The following XRCC4 variants were observed in gnomAD, a reference collection of about 807,000 sequenced individuals.
The protein encoded by XRCC4 is DNA repair protein XRCC4.
XRCC4 carries 28 observed loss-of-function variants against 39.1 expected under a neutral mutation model. The observed-to-expected ratio is 0.72, with a 90% CI of 0.53 to 0.98. XRCC4 has a LOEUF of 0.98. Ranked by LOEUF, XRCC4 falls within the 50% of genes least tolerant of loss-of-function variation. The pLI is 0.00. For missense variants in XRCC4, 350 were observed against 376.4 expected, an observed-to-expected ratio of 0.93 and a Z score of 0.58; for synonymous variants, 123 against 126.4, an observed-to-expected ratio of 0.97 and a Z score of 0.18.
At chr5:83,240,212 A>G (rs1580411784) in intron 6 of XRCC4, among the ~76,000 whole-genome samples, 1 of 152,126 alleles carries the variant, frequency 6.6e-6, no homozygotes, top group South Asian at 2.1e-4. Flanking sequence ...AATATAGGAC[A>G]TATTCAAGGA....
chr5:83,082,079 C>T (rs189428459), intron 1 of XRCC4, among the ~76,000 whole-genome samples: 6 of 152,084 alleles, frequency 3.9e-5, no homozygotes, highest in African/African-American at 1.4e-4. Flanking sequence ...TCTACTATTT[C>T]TGCTATTAGT....
intron 6 of XRCC4, 97 bp downstream of exon 6, chr5:83,205,018 C>T: frequency 2.5e-6 from 2 of 791,002 alleles, no homozygotes; most frequent in Non-Finnish European, 3.9e-6. Context: ...TTGTGAAAGA[C>T]CTTATTCTAT....
At chr5:83,303,339 G>A (rs931968611) in intron 7 of XRCC4, among the ~76,000 whole-genome samples, 13 of 152,032 alleles carry the variant, frequency 8.6e-5, no homozygotes, top group East Asian at 5.8e-4. Flanking sequence ...TTATTTATGC[G>A]CAGAGAAAAG....
chr5:83,243,797 G>A (rs921175182), intron 6 of XRCC4, among the ~76,000 whole-genome samples: 1 of 152,148 alleles, frequency 6.6e-6, no homozygotes, highest in Non-Finnish European at 1.5e-5. Context: ...AAAATTGGAA[G>A]CACATTTTAA....
chr5:83,327,206 T>C (rs73138300), intron 7 of XRCC4, among the ~76,000 whole-genome samples: 3,341 of 152,108 alleles, frequency 0.022, 104 homozygotes, highest in African/African-American at 0.071. Flanking sequence ...CAATCCTCTT[T>C]CCCCACACCC....
intron 6 of XRCC4, among the ~76,000 whole-genome samples, chr5:83,234,092 A>G (rs946989424): frequency 1.3e-5 from 2 of 152,106 alleles, no homozygotes; most frequent in African/African-American, 4.8e-5. Flanking sequence ...TTTAAGGAGA[A>G]AATTAGGTAA....
At chr5:83,098,863 C>A (rs1441291326) in intron 1 of XRCC4, among the ~76,000 whole-genome samples, 2 of 152,054 alleles carry the variant, frequency 1.3e-5, no homozygotes, top group Non-Finnish European at 2.9e-5. Flanking sequence ...TAATCCTTTT[C>A]TTTGCACTTA....
chr5:83,308,726 T>G (rs1399016894), intron 7 of XRCC4, among the ~76,000 whole-genome samples: 1 of 152,184 alleles, frequency 6.6e-6, no homozygotes, highest in Non-Finnish European at 1.5e-5. Flanking sequence ...TAGTTATATT[T>G]TTAAAATAAA....
intron 7 of XRCC4, among the ~76,000 whole-genome samples, chr5:83,271,210 C>T (rs1465146797): frequency 1.3e-5 from 2 of 152,006 alleles, no homozygotes; most frequent in Non-Finnish European, 2.9e-5. Flanking sequence ...TTATTGTAAT[C>T]CTGTCCTACA....
At chr5:83,204,667 G>A (rs931661216) in intron 5 of XRCC4, 148 bp from the exon 6 acceptor site, 4 of 497,248 alleles carry the variant, frequency 8.0e-6, no homozygotes, top group African/African-American at 7.7e-5. Context: ...GTTTTAAGAT[G>A]CTTTCATCTA....
chr5:83,253,160 T>C (rs1260585012), intron 6 of XRCC4, among the ~76,000 whole-genome samples: 2 of 152,108 alleles, frequency 1.3e-5, no homozygotes, highest in Non-Finnish European at 2.9e-5. Flanking sequence ...ACAGGGGAAG[T>C]ACAGAACAAA....
At chr5:83,229,639 C>CA (rs1471400876) in intron 6 of XRCC4, among the ~76,000 whole-genome samples, 1 of 146,338 alleles carries the variant, frequency 6.8e-6, no homozygotes, top group Non-Finnish European at 1.5e-5. Flanking sequence ...AACTTTATTC[C>CA]AGGAGACAAA....
At chr5:83,258,714 C>T (rs1753645482) in intron 7 of XRCC4, 37 bp downstream of exon 7, 1 of 1,591,344 alleles carries the variant, frequency 6.3e-7, no homozygotes, top group Non-Finnish European at 8.5e-7. Context: ...AGTGAGATGA[C>T]ATTTTTGAAA....
downstream of XRCC4, among the ~76,000 whole-genome samples, chr5:83,356,316 T>A (rs1757189405): frequency 6.6e-6 from 1 of 152,022 alleles, no homozygotes; most frequent in South Asian, 2.1e-4. Flanking sequence ...TGTATATGTG[T>A]GTATATGTGT....
chr5:83,141,481 C>G (rs556326203), intron 3 of XRCC4, among the ~76,000 whole-genome samples: 1 of 152,240 alleles, frequency 6.6e-6, no homozygotes, highest in East Asian at 1.9e-4. Flanking sequence ...ATTGTTTTTA[C>G]TTTTTAATTT....
rs562082043 is a variant in XRCC4, at chr5:83,081,209, A to G, written c.-11+3594A>G. On this transcript the variant is annotated intron_variant, in intron 1 of 7. Coordinates refer to ENST00000396027, the MANE Select transcript of XRCC4 (RefSeq NM_003401.5). ...TGTATCACCAGACCACTTTCTCCCC[A>G]TTTTCTCTTTTTACTTTGTTGCTAG... Among the ~76,000 whole-genome samples the G allele has an allele frequency of 3.3e-5, 5 of 151,886 alleles. No homozygotes were observed. The East Asian group carries it at 9.7e-4, about 29-fold the overall frequency.
At chr5:83,163,402 T>C (rs369271391) in intron 3 of XRCC4, among the ~76,000 whole-genome samples, 1 of 152,226 alleles carries the variant, frequency 6.6e-6, no homozygotes, top group South Asian at 2.1e-4. Flanking sequence ...TTACTGTCGA[T>C]TGATATGTCT....
chr5:83,284,979 G>A (rs960933769), intron 7 of XRCC4, among the ~76,000 whole-genome samples: 4 of 152,044 alleles, frequency 2.6e-5, no homozygotes, highest in African/African-American at 9.7e-5. Context: ...ACAGAAATGA[G>A]GAAGATTATT....
intron 1 of XRCC4, among the ~76,000 whole-genome samples, chr5:83,097,577 A>G (rs1358050772): frequency 6.6e-6 from 1 of 151,892 alleles, no homozygotes; most frequent in Non-Finnish European, 1.5e-5. Context: ...AAAAGACTGT[A>G]TATAAGCTTA....
Sources: allele counts gnomAD v4.1 joint callset (sites outside exome capture counted in the v4.1 genomes callset), GRCh38; gene constraint gnomAD v4.1.1; transcripts MANE v1.5; gene names NCBI Gene and HGNC (gene_info 2026-07-23, HGNC 2026-07-21).